WASF3: variants seen among roughly 807,000 people sequenced by gnomAD.
WASF3 encodes the protein WASP family member 3, also known as actin-binding protein WASF3.
Under a neutral mutation model 46.6 loss-of-function variants are expected in WASF3, and 11 were observed. The ratio of observed to expected loss-of-function variants is 0.24; its 90% CI spans 0.15 to 0.39. WASF3 has a LOEUF of 0.39. Ranked by LOEUF, WASF3 falls within the 10% of genes least tolerant of loss-of-function variation. The probability of loss-of-function intolerance (pLI) is 1.00; values close to 1 mark genes in which losing one functional copy is unlikely to be tolerated. For missense variants in WASF3, 576 were observed against 669.8 expected (o/e 0.86, Z 1.55); for synonymous variants, 242 against 259.7 (o/e 0.93, Z 0.65).
Position 26,602,505 on chromosome 13 carries a change from A to G in WASF3, c.-108-10456A>G, listed in dbSNP as rs1315583697. On this transcript the variant is annotated intron_variant, in intron 1 of 9. Coordinates refer to ENST00000335327, the MANE Select transcript of WASF3 (RefSeq NM_006646.6). ...AGATATAGTGAGTTAGGTTTTGACTAGAGGCTCAGGAGCTTTGAATGTAGA... is the reference window on the plus strand; with the variant it reads ...AGATATAGTGAGTTAGGTTTTGACTGGAGGCTCAGGAGCTTTGAATGTAGA... Among the ~76,000 whole-genome samples, 3 of 152,218 alleles carry G rather than the reference A, an allele frequency of 2.0e-5. No homozygotes were observed. The East Asian group carries it at 5.8e-4, about 29-fold the overall frequency.
chr13:26,644,776 C>T (rs1188917878), intron 3 of WASF3, among the ~76,000 whole-genome samples: 1 of 152,034 alleles, frequency 6.6e-6, no homozygotes, highest in African/African-American at 2.4e-5. Flanking sequence ...GGGGCTGAAC[C>T]CGGGAGGAAG....
At chr13:26,642,240 G>A (rs1287006603) in intron 2 of WASF3, 21 bp from the exon 3 acceptor site, 15 of 1,507,746 alleles carry the variant, frequency 9.9e-6, no homozygotes, top group Admixed American at 2.5e-5. Flanking sequence ...AGCTTATAAA[G>A]AATGTGTTTT....
chr13:26,666,866 CAAAAAAAAAAA>C (rs1168774717), intron 4 of WASF3, among the ~76,000 whole-genome samples: 4 of 62,808 alleles, frequency 6.4e-5, no homozygotes, highest in African/African-American at 2.0e-4. Flanking sequence ...AAGACTGTCT[CAAAAAAAAAAA>C]AAAAAAAAAA....
chr13:26,568,415 A>G (rs1401669074), intron 1 of WASF3, among the ~76,000 whole-genome samples: 1 of 152,134 alleles, frequency 6.6e-6, no homozygotes, highest in Non-Finnish European at 1.5e-5. Flanking sequence ...CAGAGAAGCA[A>G]AGGTGCCCTG....
intron 1 of WASF3, among the ~76,000 whole-genome samples, chr13:26,597,734 C>T (rs576248143): frequency 7.6e-4 from 116 of 152,146 alleles, no homozygotes; most frequent in Non-Finnish European, 9.6e-4. Flanking sequence ...TTTGTCCTTG[C>T]GATAGTTTGC....
intron 7 of WASF3, among the ~76,000 whole-genome samples, chr13:26,678,791 A>G (rs865898098): frequency 6.6e-6 from 1 of 152,024 alleles, no homozygotes; most frequent in African/African-American, 2.4e-5. Flanking sequence ...TCCATGCCCA[A>G]TTGTCCTTGT....
At chr13:26,597,314 T>C (rs1305359654) in intron 1 of WASF3, among the ~76,000 whole-genome samples, 1 of 152,180 alleles carries the variant, frequency 6.6e-6, no homozygotes, top group African/African-American at 2.4e-5. Flanking sequence ...TTTGTATTTT[T>C]AGTAGAGATG....
At chr13:26,674,574 G>C (rs1057291033) in intron 6 of WASF3, among the ~76,000 whole-genome samples, 1 of 152,152 alleles carries the variant, frequency 6.6e-6, no homozygotes, top group African/African-American at 2.4e-5. Context: ...CGAAGTATTT[G>C]TGTATACATA....
intron 1 of WASF3, among the ~76,000 whole-genome samples, chr13:26,599,252 G>C (rs1467469005): frequency 7.2e-6 from 1 of 139,724 alleles, no homozygotes; most frequent in Non-Finnish European, 1.5e-5. Context: ...GGCTGATCTC[G>C]ACTCACAGCA....
At chr13:26,554,039 CTT>C (rs1566032336), upstream of WASF3, among the ~76,000 whole-genome samples, 1,298 of 91,878 alleles carry the variant, frequency 0.014, 163 homozygotes, top group South Asian at 0.023. Context: ...CTTTCTCTTT[CTT>C]TCCTTCCTTC....
chr13:26,577,262 C>G (rs1879827556), intron 1 of WASF3: 1 of 738,218 alleles, frequency 1.4e-6, no homozygotes, highest in Non-Finnish European at 2.5e-6. Flanking sequence ...ATGTTGATGT[C>G]AGGACTACCG....
chr13:26,555,272 T>C (rs1336614372), upstream of WASF3, among the ~76,000 whole-genome samples: 1 of 152,114 alleles, frequency 6.6e-6, no homozygotes, highest in East Asian at 1.9e-4. Flanking sequence ...GACACCTGAG[T>C]GGCCTTTTTA....
the WASF3 span, among the ~76,000 whole-genome samples, chr13:26,541,296 G>A: frequency 6.6e-6 from 1 of 152,144 alleles, no homozygotes. Flanking sequence ...GGGAAAGGCG[G>A]AACTTAAGAC....
rs180899103 is a variant in WASF3 at position 26,680,730 on chromosome 13, C to G, written c.717-324C>G. Among the ~76,000 whole-genome samples the G allele has an allele frequency of 5.3e-5, 8 of 152,264 alleles. No individual in the cohort carries two copies. In the East Asian group the frequency reaches 1.5e-3, roughly 29 times the overall value. On this transcript the variant is annotated intron_variant, in intron 7 of 9. Coordinates refer to ENST00000335327, the MANE Select transcript of WASF3 (RefSeq NM_006646.6). ...ATCCTGTTTCTAAATGGAATGGTTT[C>G]TTTCATAGCCTTCTTAGAGAAAACG...
chr13:26,645,894 A>G (rs969956177), intron 3 of WASF3, among the ~76,000 whole-genome samples: 1 of 152,136 alleles, frequency 6.6e-6, no homozygotes, highest in East Asian at 1.9e-4. Context: ...TGTCTACACA[A>G]TAAGAGGAAG....
chr13:26,574,827 A>C (rs1593373970), intron 1 of WASF3, among the ~76,000 whole-genome samples: 1 of 149,086 alleles, frequency 6.7e-6, no homozygotes, highest in Non-Finnish European at 1.5e-5. Flanking sequence ...CTTTTGTAGT[A>C]CCTTAACCCC....
At chr13:26,680,106 A>C (rs758761826) in intron 7 of WASF3, 2 of 1,598,310 alleles carry the variant, frequency 1.3e-6, no homozygotes, top group East Asian at 4.5e-5. Flanking sequence ...CAAGAAAAGA[A>C]GAGTGGGAGA....
intron 2 of WASF3, among the ~76,000 whole-genome samples, chr13:26,631,758 T>A (rs572928514): frequency 6.6e-6 from 1 of 152,338 alleles, no homozygotes; most frequent in East Asian, 1.9e-4. Context: ...TAAATTACCT[T>A]GGGCAGTATG....
At chr13:26,656,610 G>C (rs1055879352) in intron 3 of WASF3, among the ~76,000 whole-genome samples, 1 of 148,784 alleles carries the variant, frequency 6.7e-6, no homozygotes, top group Non-Finnish European at 1.5e-5. Context: ...CCAATACTAA[G>C]AAATAAAAAA....
Sources: allele counts gnomAD v4.1 joint callset (sites outside exome capture counted in the v4.1 genomes callset), GRCh38; gene constraint gnomAD v4.1.1; transcripts MANE v1.5; gene names NCBI Gene and HGNC (gene_info 2026-07-23, HGNC 2026-07-21).